The following TENM3 variants were observed in gnomAD, a reference collection of about 807,000 sequenced individuals.
The protein encoded by TENM3 is teneurin-3.
A neutral mutation model predicts 255.1 loss-of-function variants in TENM3; 63 were observed. The ratio of observed to expected loss-of-function variants is 0.25; its 90% CI spans 0.20 to 0.30. The LOEUF (loss-of-function observed/expected upper bound fraction) is 0.30. Among genes scored for constraint, TENM3 ranks in the 10% least tolerant of loss-of-function variants. The pLI is 1.00. For missense variants in TENM3, 2,929 were observed against 3,461.1 expected (o/e 0.85, Z 3.86); for synonymous variants, 1,306 against 1,322.3 (o/e 0.99, Z 0.27).
the TENM3 span, among the ~76,000 whole-genome samples, chr4:181,554,395 GTCAA>G: frequency 6.6e-6 from 1 of 152,260 alleles, no homozygotes; most frequent in South Asian, 2.1e-4. Flanking sequence ...GTTAGGCTTC[GTCAA>G]TCAATTGGTT....
intron 1 of TENM3, among the ~76,000 whole-genome samples, chr4:182,209,326 C>T (rs1754821662): frequency 6.6e-6 from 1 of 152,106 alleles, no homozygotes; most frequent in Non-Finnish European, 1.5e-5. Context: ...CCATGCTCTA[C>T]CTCCCATCCC....
At chr4:181,785,451 T>A in the TENM3 span, among the ~76,000 whole-genome samples, 1 of 152,084 alleles carries the variant, frequency 6.6e-6, no homozygotes, top group Admixed American at 6.6e-5. Flanking sequence ...AACTGTGACA[T>A]CCCTAAAAAG....
chr4:182,013,334 T>C, the TENM3 span, among the ~76,000 whole-genome samples: 1 of 152,214 alleles, frequency 6.6e-6, no homozygotes, highest in African/African-American at 2.4e-5. Context: ...AACAATCAAA[T>C]AAGTGTCCTT....
chr4:182,106,829 G>A, the TENM3 span, among the ~76,000 whole-genome samples: 1 of 152,134 alleles, frequency 6.6e-6, no homozygotes, highest in African/African-American at 2.4e-5. Context: ...GGCCTACCAT[G>A]TGCAGAAATA....
the TENM3 span, among the ~76,000 whole-genome samples, chr4:181,479,287 G>C: frequency 1.3e-5 from 2 of 152,244 alleles, no homozygotes; most frequent in South Asian, 4.1e-4. Flanking sequence ...TGTCACAAAA[G>C]GCAGAGACTG....
the TENM3 span, among the ~76,000 whole-genome samples, chr4:181,623,648 T>C: frequency 6.6e-6 from 1 of 152,230 alleles, no homozygotes; most frequent in Non-Finnish European, 1.5e-5. Flanking sequence ...CCATCTCATG[T>C]GTAGGAGCTG....
At chr4:182,776,634 C>CT (rs201156623) in intron 24 of TENM3, among the ~76,000 whole-genome samples, 13 of 151,552 alleles carry the variant, frequency 8.6e-5, no homozygotes, top group Non-Finnish European at 1.3e-4. Context: ...TAAGTGTGCA[C>CT]TTTTTTTTTC....
chr4:182,318,074 G>A (rs939779658), intron 1 of TENM3, among the ~76,000 whole-genome samples: 4 of 152,124 alleles, frequency 2.6e-5, no homozygotes, highest in Admixed American at 6.5e-5. Context: ...GTTATTGTGG[G>A]GGTGAGCTTT....
chr4:181,636,498 A>G, the TENM3 span, among the ~76,000 whole-genome samples: 2 of 152,164 alleles, frequency 1.3e-5, no homozygotes, highest in Non-Finnish European at 2.9e-5. Context: ...TGGCCAAATA[A>G]CAGACACCAC....
chr4:182,178,390 C>T (rs1310737487), intron 1 of TENM3, among the ~76,000 whole-genome samples: 1 of 152,162 alleles, frequency 6.6e-6, no homozygotes, highest in East Asian at 1.9e-4. Flanking sequence ...ATTACCTTCA[C>T]AACACTGTTG....
intron 1 of TENM3, among the ~76,000 whole-genome samples, chr4:182,279,583 A>G (rs987621984): frequency 6.6e-6 from 1 of 152,218 alleles, no homozygotes; most frequent in Non-Finnish European, 1.5e-5. Context: ...TAATTATTAA[A>G]TATATAAAAG....
the TENM3 span, among the ~76,000 whole-genome samples, chr4:181,968,962 G>GTCTCTCTCTC: frequency 6.2e-5 from 9 of 144,526 alleles, no homozygotes; most frequent in Middle Eastern, 3.5e-3. Flanking sequence ...TACCTCTCTT[G>GTCTCTCTCTC]TCTCTCTCTC....
At chr4:181,622,738 T>C in the TENM3 span, among the ~76,000 whole-genome samples, 1 of 152,078 alleles carries the variant, frequency 6.6e-6, no homozygotes, top group African/African-American at 2.4e-5. Flanking sequence ...TTCATTGAAA[T>C]AGAACAAGCC....
At chr4:181,514,758 A>T in the TENM3 span, among the ~76,000 whole-genome samples, 2 of 152,218 alleles carry the variant, frequency 1.3e-5, no homozygotes, top group Non-Finnish European at 2.9e-5. Flanking sequence ...CAGAGTGTGA[A>T]TGAAAGGTAA....
At chr4:182,504,057 T>C (rs1736578589) in intron 3 of TENM3, among the ~76,000 whole-genome samples, 1 of 152,032 alleles carries the variant, frequency 6.6e-6, no homozygotes, top group African/African-American at 2.4e-5. Flanking sequence ...ACTAGAATAT[T>C]TGTAAGCACC....
At chr4:182,142,875 A>G (rs1290934817), upstream of TENM3, 1 of 166,814 alleles carries the variant, frequency 6.0e-6, no homozygotes, top group East Asian at 1.9e-4. Context: ...AGCCTGAAGG[A>G]TCCCGCCGAC....
Position 182,579,831 on chromosome 4 carries a change from T to C in TENM3, c.512-21093T>C, listed in dbSNP as rs565036749. Among the ~76,000 whole-genome samples, 6 of 152,350 alleles carry C rather than the reference T, an allele frequency of 3.9e-5. No individual in the cohort carries two copies. In the South Asian group the frequency reaches 1.2e-3, roughly 32 times the overall value. ...TCTGGTATAAGGAAAGTTACATTAA[T>C]TGAAACATTCATACTAGTATAATTG... On this transcript the variant is annotated intron_variant, in intron 3 of 27. Coordinates refer to ENST00000511685, the MANE Select transcript of TENM3 (RefSeq NM_001080477.4).
chr4:182,081,901 A>G, the TENM3 span: 2 of 152,154 alleles, frequency 1.3e-5, no homozygotes, highest in Admixed American at 6.5e-5. Context: ...GCTTTTGTGT[A>G]TGGAGTGACC....
chr4:182,312,616 C>T (rs1158671808), intron 1 of TENM3, among the ~76,000 whole-genome samples: 2 of 152,178 alleles, frequency 1.3e-5, no homozygotes, highest in African/African-American at 2.4e-5. Flanking sequence ...CCCTCTGAAC[C>T]AGATATTATT....
Sources: gnomAD v4.1 joint callset for allele counts (sites outside exome capture counted in the v4.1 genomes callset) on GRCh38, gnomAD v4.1.1 for gene constraint, MANE v1.5 for transcripts, NCBI Gene and HGNC (gene_info 2026-07-23, HGNC 2026-07-21) for gene names.